Variants in PIWIL1 observed in about 807,000 individuals in gnomAD.
PIWIL1 encodes the protein piwi-like protein 1.
In PIWIL1, 73 loss-of-function variants were observed where a neutral mutation model predicts 114.4. That is an observed-to-expected ratio of 0.64 (90% CI 0.53 to 0.78). PIWIL1 has a LOEUF of 0.78. Ranked by LOEUF, PIWIL1 falls within the 30% of genes least tolerant of loss-of-function variation. PIWIL1 has a pLI of 0.00. For synonymous variants in PIWIL1, 375 were observed against 369.0 expected (o/e 1.02, Z -0.19); for missense variants, 723 against 1,063.1 (o/e 0.68, Z 4.45).
chr12:130,424,588 G>A, the PIWIL1 span: 1 of 1,231,952 alleles, frequency 8.1e-7, no homozygotes, highest in Non-Finnish European at 1.0e-6. This position sits in a 1 kb window ranked among gnomAD's most constrained non-coding sequence, Gnocchi z 9.8. Flanking sequence ...TCCACGTGGG[G>A]GACGGCCCCC....
chr12:130,405,103 CT>C, the PIWIL1 span, among the ~76,000 whole-genome samples: 1 of 152,078 alleles, frequency 6.6e-6, no homozygotes, highest in Admixed American at 6.5e-5. Flanking sequence ...TTTCTATCAC[CT>C]TGAAGGACCT....
intron 11 of PIWIL1, 109 bp from the exon 12 acceptor site, chr12:130,355,444 C>T (rs1317756863): frequency 6.0e-6 from 5 of 830,448 alleles, no homozygotes; most frequent in Non-Finnish European, 1.0e-5. Flanking sequence ...GCGCCTTCAC[C>T]CTGACGGCGA....
intron 18 of PIWIL1, among the ~76,000 whole-genome samples, chr12:130,363,882 T>G (rs1317681451): frequency 1.3e-5 from 2 of 152,148 alleles, no homozygotes; most frequent in Non-Finnish European, 2.9e-5. Context: ...CCTCCTAAAG[T>G]GCTGGGATGA....
intron 3 of PIWIL1, 157 bp from the exon 4 acceptor site, chr12:130,345,585 TCTCTCGTTAGG>T (rs2073048222): frequency 1.6e-6 from 1 of 643,914 alleles, no homozygotes; most frequent in Admixed American, 3.0e-5. Context: ...AGGAAACCAT[TCTCTCGTTAGG>T]CTGGCAGATA....
intron 19 of PIWIL1, among the ~76,000 whole-genome samples, chr12:130,370,929 G>A (rs75721170): frequency 0.056 from 8,501 of 152,208 alleles, 352 homozygotes; most frequent in South Asian, 0.19. Flanking sequence ...CTGCTGGGAG[G>A]CATCATGACA....
intron 1 of PIWIL1, chr12:130,342,180 G>GTGTCTGTGTGTGTGTC (rs1555226464): frequency 3.4e-4 from 62 of 182,824 alleles, no homozygotes; most frequent in African/African-American, 1.2e-3. Context: ...GTGTGTGTGT[G>GTGTCTGTGTGTGTGTC]TGTGTGTGTG....
chr12:130,419,688 A>C, the PIWIL1 span: 1 of 152,256 alleles, frequency 6.6e-6, no homozygotes, highest in Non-Finnish European at 1.5e-5. The surrounding 1 kb of genome is among the most constrained non-coding windows in gnomAD (Gnocchi z 4.3). Flanking sequence ...CAGTAGCCAA[A>C]ATAACAAAAA....
the PIWIL1 span, among the ~76,000 whole-genome samples, chr12:130,384,150 G>A: frequency 6.6e-6 from 1 of 152,146 alleles, no homozygotes; most frequent in African/African-American, 2.4e-5. Flanking sequence ...TAGACTTACA[G>A]TATAATCCAG....
chr12:130,348,848 C>T (rs536756097), intron 7 of PIWIL1, among the ~76,000 whole-genome samples: 4 of 152,084 alleles, frequency 2.6e-5, no homozygotes, highest in Non-Finnish European at 4.4e-5. Context: ...TGCAGTGAGC[C>T]GAGATCGTGC....
rs771270627 is a variant in PIWIL1 at position 130,343,043 on chromosome 12, G to T, written c.132G>T (p.Gly44=). The change falls in exon 3 of 21, where the codon GGG becomes GGT. Residue 44 remains glycine (G), a synonymous_variant. Coordinates refer to ENST00000245255, the MANE Select transcript of PIWIL1 (RefSeq NM_004764.5). The part of the protein sequence containing the change: ...QPRPQPPPAE[G]ELFGRGRQRG... Reference sequence around the variant, plus strand: ...GGCCTCAGCCGCCACCAGCAGAGGGGGAATTATTTGGCCGTGGACGGCAGA... The same window carrying T: ...GGCCTCAGCCGCCACCAGCAGAGGGTGAATTATTTGGCCGTGGACGGCAGA... 1.3e-5 allele frequency: 21 copies of T among 1,614,066 alleles called. No homozygotes were observed. The highest frequency in any genetic ancestry group is 1.8e-5 in the Non-Finnish European group (21 of 1,179,976).
At chr12:130,375,972 G>C (rs2073863597), downstream of PIWIL1, among the ~76,000 whole-genome samples, 1 of 152,132 alleles carries the variant, frequency 6.6e-6, no homozygotes, top group Non-Finnish European at 1.5e-5. Context: ...GTCTCTTGCT[G>C]GTTCTTGTCT....
At chr12:130,415,629 G>A in the PIWIL1 span, among the ~76,000 whole-genome samples, 20 of 78,734 alleles carry the variant, frequency 2.5e-4, no homozygotes, top group African/African-American at 5.2e-4. Context: ...CTGATGATAC[G>A]GCATCCATAT....
chr12:130,402,877 C>G, the PIWIL1 span, among the ~76,000 whole-genome samples: 1 of 152,142 alleles, frequency 6.6e-6, no homozygotes, highest in Non-Finnish European at 1.5e-5. Context: ...TTTCAGATAC[C>G]GAGATGCTGG....
At chr12:130,394,586 G>A in the PIWIL1 span, among the ~76,000 whole-genome samples, 8,638 of 151,924 alleles carry the variant, frequency 0.057, 827 homozygotes, top group African/African-American at 0.2. Context: ...AACCCAGTTC[G>A]TCACTGCCAG....
At chr12:130,380,820 A>C in the PIWIL1 span, among the ~76,000 whole-genome samples, 1 of 152,352 alleles carries the variant, frequency 6.6e-6, no homozygotes, top group South Asian at 2.1e-4. Context: ...TGCAGGAGAA[A>C]GTCTCTCTTG....
At chr12:130,409,635 G>A in the PIWIL1 span, among the ~76,000 whole-genome samples, 45 of 152,042 alleles carry the variant, frequency 3.0e-4, no homozygotes, top group Non-Finnish European at 5.9e-4. Flanking sequence ...GAGCCACTGC[G>A]CCCGGCCCAG....
chr12:130,401,825 T>C, the PIWIL1 span, among the ~76,000 whole-genome samples: 1 of 152,130 alleles, frequency 6.6e-6, no homozygotes, highest in Non-Finnish European at 1.5e-5. Context: ...AGATTCTTCC[T>C]CTGGCTGAGC....
intron 5 of PIWIL1, 118 bp from the exon 6 acceptor site, chr12:130,346,823 A>T: frequency 7.6e-7 from 1 of 1,318,830 alleles, no homozygotes; most frequent in South Asian, 1.5e-5. Flanking sequence ...ATTTAAAAAA[A>T]ATCCAGTTAA....
At chr12:130,368,772 G>A (rs1206569338) in intron 19 of PIWIL1, among the ~76,000 whole-genome samples, 1 of 152,034 alleles carries the variant, frequency 6.6e-6, no homozygotes, top group Non-Finnish European at 1.5e-5. Flanking sequence ...AACAAATTGG[G>A]TAAAATCCCA....
Sources: allele counts gnomAD v4.1 joint callset (sites outside exome capture counted in the v4.1 genomes callset), GRCh38; gene constraint gnomAD v4.1.1; non-coding constraint Gnocchi (gnomAD v3.1); transcripts MANE v1.5; gene names NCBI Gene and HGNC (gene_info 2026-07-23, HGNC 2026-07-21).